Variants in ZFHX3 observed in about 807,000 individuals in gnomAD.
ZFHX3 encodes the protein zinc finger homeobox 3.
Under a neutral mutation model 279.1 loss-of-function variants are expected in ZFHX3, and 42 were observed. The observed-to-expected ratio is 0.15, with a 90% CI of 0.12 to 0.19. The LOEUF is 0.19. Ranked by LOEUF, ZFHX3 falls within the 10% of genes least tolerant of loss-of-function variation. The pLI is 1.00. For synonymous variants in ZFHX3, 2,293 were observed against 1,957.8 expected (o/e 1.17, Z -4.52); for missense variants, 4,981 against 4,754.0 (o/e 1.05, Z -1.40).
chr16:73,887,572 G>A (rs1210168917), intron 1 of ZFHX3, among the ~76,000 whole-genome samples: 1 of 152,050 alleles, frequency 6.6e-6, no homozygotes, highest in Non-Finnish European at 1.5e-5. Context: ...ACAAAAAAAA[G>A]CAGGCTCTTG....
At chr16:73,069,488 G>C (rs1468756466) in intron 8 of ZFHX3, among the ~76,000 whole-genome samples, 2 of 152,170 alleles carry the variant, frequency 1.3e-5, no homozygotes, top group Non-Finnish European at 2.9e-5. Flanking sequence ...ACCCAAATTA[G>C]CCATGCAGTG....
intron 1 of ZFHX3, among the ~76,000 whole-genome samples, chr16:72,987,344 G>A (rs1406976492): frequency 6.6e-6 from 1 of 152,196 alleles, no homozygotes; most frequent in Admixed American, 6.5e-5. Flanking sequence ...CACTTTGAGA[G>A]CTGACAGGCC....
chr16:73,503,738 C>T (rs1344909055), intron 2 of ZFHX3, among the ~76,000 whole-genome samples: 1 of 152,180 alleles, frequency 6.6e-6, no homozygotes, highest in East Asian at 1.9e-4. Context: ...GGGAGGCTTC[C>T]TCCATGTTGG....
intron 1 of ZFHX3, among the ~76,000 whole-genome samples, chr16:73,818,356 T>A (rs1235946616): frequency 6.6e-6 from 1 of 152,196 alleles, no homozygotes; most frequent in Non-Finnish European, 1.5e-5. Flanking sequence ...GTGATTTTCA[T>A]CAGATTGGCT....
chr16:73,842,256 G>T (rs1397358626), intron 1 of ZFHX3, among the ~76,000 whole-genome samples: 1 of 151,970 alleles, frequency 6.6e-6, no homozygotes, highest in Non-Finnish European at 1.5e-5. Context: ...GAGAAACAAT[G>T]ATTGCAAGCC....
intron 8 of ZFHX3, among the ~76,000 whole-genome samples, chr16:73,079,473 C>T (rs937694951): frequency 6.6e-6 from 1 of 151,966 alleles, no homozygotes; most frequent in African/African-American, 2.4e-5. Context: ...TGGGACAGGG[C>T]GAGACTCTGT....
At chr16:72,841,546 T>C (rs1305111667) in intron 4 of ZFHX3, among the ~76,000 whole-genome samples, 1 of 152,174 alleles carries the variant, frequency 6.6e-6, no homozygotes, top group African/African-American at 2.4e-5. Flanking sequence ...CTCTGTTTTT[T>C]TAAAGTTTGG....
At chr16:73,510,350 G>C (rs1284636748) in intron 2 of ZFHX3, among the ~76,000 whole-genome samples, 2 of 152,020 alleles carry the variant, frequency 1.3e-5, no homozygotes, top group African/African-American at 4.8e-5. Context: ...CTGGCACCTA[G>C]ATAAAAGGGC....
chr16:73,149,136 T>C (rs566167608), intron 5 of ZFHX3, among the ~76,000 whole-genome samples: 1 of 148,474 alleles, frequency 6.7e-6, no homozygotes, highest in South Asian at 2.1e-4. Context: ...ACATTAATAT[T>C]ATAGACTATT....
At chr16:73,439,685 A>T (rs1597336114) in intron 3 of ZFHX3, among the ~76,000 whole-genome samples, 1 of 152,046 alleles carries the variant, frequency 6.6e-6, no homozygotes, top group East Asian at 1.9e-4. Context: ...CCACGTGGTC[A>T]TCCCTCCTTC....
In ZFHX3 at chr16:73,520,754, A is replaced by G. The variant is rs114203261; in HGVS notation, c.-1546-64496T>C. Among the ~76,000 whole-genome samples, 1,146 of 152,274 alleles carry G rather than the reference A, an allele frequency of 7.5e-3. 15 individuals are homozygous for G. The highest frequency in any genetic ancestry group is 0.02 in the African/African-American group (842 of 41,574). On this transcript the variant is annotated intron_variant, in intron 2 of 17. Coordinates refer to the ZFHX3 transcript ENST00000641206. ...ACACAAAATCAATTTAATTTAACAT[A>G]TATTTATTTAGCACCTACTATTTAC...
intron 2 of ZFHX3, among the ~76,000 whole-genome samples, chr16:73,497,628 C>G (rs2019164070): frequency 6.6e-6 from 1 of 152,076 alleles, no homozygotes; most frequent in South Asian, 2.1e-4. Flanking sequence ...AATGTTCACG[C>G]CACTGCACTC....
At chr16:73,298,403 C>G (rs116447741) in intron 4 of ZFHX3, among the ~76,000 whole-genome samples, 1 of 151,618 alleles carries the variant, frequency 6.6e-6, no homozygotes, top group Non-Finnish European at 1.5e-5. Flanking sequence ...AAACCAGTCT[C>G]GAACTCCCGA....
intron 1 of ZFHX3, among the ~76,000 whole-genome samples, chr16:73,861,778 C>T (rs1288389679): frequency 6.6e-6 from 1 of 152,128 alleles, no homozygotes; most frequent in Non-Finnish European, 1.5e-5. Flanking sequence ...TAGAATTAAT[C>T]CTAATGCTAT....
intron 8 of ZFHX3, among the ~76,000 whole-genome samples, chr16:73,073,794 C>T (rs866196802): frequency 1.3e-5 from 2 of 152,192 alleles, no homozygotes; most frequent in Non-Finnish European, 2.9e-5. Context: ...CCACCAAGCC[C>T]GGCCTGGACT....
At chr16:73,262,384 C>T (rs186007906) in intron 4 of ZFHX3, among the ~76,000 whole-genome samples, 1 of 152,312 alleles carries the variant, frequency 6.6e-6, no homozygotes, top group East Asian at 1.9e-4. Context: ...AGCCTAGCAG[C>T]TGATGCCATG....
intron 2 of ZFHX3, among the ~76,000 whole-genome samples, chr16:73,579,838 A>C (rs917293119): frequency 1.6e-5 from 2 of 123,982 alleles, no homozygotes; most frequent in South Asian, 2.7e-4. Flanking sequence ...GGGTTCACAA[A>C]TATATATTAT....
chr16:72,918,013 AG>A (rs11289314), intron 3 of ZFHX3, among the ~76,000 whole-genome samples: 15,274 of 152,256 alleles, frequency 0.1, 999 homozygotes, highest in African/African-American at 0.18. Context: ...CCCCAGGTTG[AG>A]GGGACAAGGA....
At chr16:73,655,950 C>G (rs982207871) in intron 2 of ZFHX3, among the ~76,000 whole-genome samples, 40 of 152,076 alleles carry the variant, frequency 2.6e-4, no homozygotes, top group Non-Finnish European at 1.0e-4. Context: ...TTTGCAAAAT[C>G]CCTAACTGAA....
Sources: allele counts gnomAD v4.1 joint callset (sites outside exome capture counted in the v4.1 genomes callset), GRCh38; gene constraint gnomAD v4.1.1; transcripts MANE v1.5; gene names NCBI Gene and HGNC (gene_info 2026-07-23, HGNC 2026-07-21).